Variants in SPMIP2 observed in about 807,000 individuals in gnomAD.
SPMIP2 encodes the protein protein SPMIP2.
chr4:159,053,751 C>T, the SPMIP2 span, among the ~76,000 whole-genome samples: 29 of 152,138 alleles, frequency 1.9e-4, no homozygotes, highest in Admixed American at 8.5e-4. Context: ...TCCTTCCTTC[C>T]TCTTCTTTCT....
chr4:159,009,300 C>T, the SPMIP2 span, among the ~76,000 whole-genome samples: 1 of 152,172 alleles, frequency 6.6e-6, no homozygotes, highest in Non-Finnish European at 1.5e-5. Context: ...ATTAAAAATG[C>T]AAAATCTCAG....
chr4:158,909,898 C>A, the SPMIP2 span, among the ~76,000 whole-genome samples: 1 of 152,082 alleles, frequency 6.6e-6, no homozygotes, highest in Non-Finnish European at 1.5e-5. Context: ...AAACATTAGC[C>A]GGCCGTGGTG....
chr4:159,032,090 C>T, the SPMIP2 span, among the ~76,000 whole-genome samples: 105 of 152,072 alleles, frequency 6.9e-4, no homozygotes, highest in Non-Finnish European at 6.3e-4. Flanking sequence ...GGCATGGTGG[C>T]TCACGTCTGT....
At chr4:159,011,134 C>T in the SPMIP2 span, among the ~76,000 whole-genome samples, 2 of 152,052 alleles carry the variant, frequency 1.3e-5, no homozygotes, top group African/African-American at 4.8e-5. Flanking sequence ...AAGTGAAGTA[C>T]CAGTTAAATA....
the SPMIP2 span, chr4:158,895,819 C>T: frequency 4.3e-4 from 693 of 1,613,096 alleles, 1 homozygote; most frequent in Non-Finnish European, 4.2e-4. Context: ...TGAATATCTC[C>T]GGGGACACAC....
the SPMIP2 span, among the ~76,000 whole-genome samples, chr4:158,921,148 G>C: frequency 7.5e-3 from 556 of 74,148 alleles, 6 homozygotes; most frequent in African/African-American, 0.039. Flanking sequence ...CTGGTTGTTA[G>C]AAAGTGTAGG....
chr4:159,023,098 AGT>A, the SPMIP2 span, among the ~76,000 whole-genome samples: 3 of 151,938 alleles, frequency 2.0e-5, no homozygotes, highest in South Asian at 6.2e-4. Context: ...ATATGTATAT[AGT>A]GTGTGTGTCA....
At chr4:159,053,439 A>G in the SPMIP2 span, among the ~76,000 whole-genome samples, 1 of 152,126 alleles carries the variant, frequency 6.6e-6, no homozygotes, top group Non-Finnish European at 1.5e-5. Context: ...CACCTAGGAG[A>G]ATACAAGGAT....
At chr4:159,054,078 A>T in the SPMIP2 span, among the ~76,000 whole-genome samples, 1 of 152,178 alleles carries the variant, frequency 6.6e-6, no homozygotes, top group African/African-American at 2.4e-5. Context: ...GGACTCAAGC[A>T]GTCTTCCTGC....
At chr4:158,973,390 T>A in the SPMIP2 span, 1 of 817,770 alleles carries the variant, frequency 1.2e-6, no homozygotes, top group Non-Finnish European at 1.9e-6. Context: ...GTTGAAATAC[T>A]AATAGCCAAT....
chr4:158,995,548 T>C, the SPMIP2 span, among the ~76,000 whole-genome samples: 4 of 152,250 alleles, frequency 2.6e-5, no homozygotes, highest in African/African-American at 4.8e-5. Flanking sequence ...CTAAAGACCA[T>C]GCTCACCTCC....
chr4:158,943,858 CTTTTTTTT>C, the SPMIP2 span, among the ~76,000 whole-genome samples: 348 of 101,912 alleles, frequency 3.4e-3, 2 homozygotes, highest in Non-Finnish European at 5.0e-3. Flanking sequence ...TTGACATTTT[CTTTTTTTT>C]TTTTTTTTTT....
chr4:158,894,953 C>G, the SPMIP2 span, among the ~76,000 whole-genome samples: 3 of 152,192 alleles, frequency 2.0e-5, no homozygotes, highest in East Asian at 5.8e-4. Flanking sequence ...AAATAACAGG[C>G]CTAATGGTCT....
chr4:158,959,956 C>T, the SPMIP2 span, among the ~76,000 whole-genome samples: 1,648 of 152,198 alleles, frequency 0.011, 20 homozygotes, highest in African/African-American at 0.038. Context: ...GTTTCTTCCA[C>T]AGAGATAATT....
chr4:158,985,838 C>CA, the SPMIP2 span, among the ~76,000 whole-genome samples: 1 of 152,092 alleles, frequency 6.6e-6, no homozygotes, highest in Non-Finnish European at 1.5e-5. Context: ...AAGAGGAAGT[C>CA]AAATTGTCCC....
At chr4:158,915,124 C>G in the SPMIP2 span, 2 of 1,521,984 alleles carry the variant, frequency 1.3e-6, no homozygotes, top group East Asian at 4.6e-5. Flanking sequence ...TATGTTAAAG[C>G]AGCCTGACTT....
chr4:159,065,865 T>A, the SPMIP2 span, among the ~76,000 whole-genome samples: 7 of 152,194 alleles, frequency 4.6e-5, no homozygotes, highest in African/African-American at 1.7e-4. Flanking sequence ...ATTATCCCCA[T>A]TTTATAGATA....
At chr4:158,904,079 G>C in the SPMIP2 span, among the ~76,000 whole-genome samples, 1 of 152,222 alleles carries the variant, frequency 6.6e-6, no homozygotes, top group Admixed American at 6.5e-5. Context: ...TGAAAAATCA[G>C]TATGCATTTA....
At chr4:159,010,125 T>G in the SPMIP2 span, among the ~76,000 whole-genome samples, 1 of 152,340 alleles carries the variant, frequency 6.6e-6, no homozygotes, top group Admixed American at 6.5e-5. Context: ...GACACGTTGT[T>G]AATCTACTTT....
Sources: allele counts gnomAD v4.1 joint callset (sites outside exome capture counted in the v4.1 genomes callset), GRCh38; gene constraint gnomAD v4.1.1; transcripts MANE v1.5; gene names NCBI Gene and HGNC (gene_info 2026-07-23, HGNC 2026-07-21).